Variants in TMEM177 observed in about 807,000 individuals in gnomAD.
TMEM177 encodes the protein transmembrane protein 177.
In TMEM177, 4 loss-of-function variants were observed where a neutral mutation model predicts 14.2. The observed-to-expected ratio is 0.28, with a 90% CI of 0.14 to 0.64. TMEM177 has a LOEUF of 0.64. Ranked by LOEUF, TMEM177 falls within the 30% of genes least tolerant of loss-of-function variation. The pLI is 0.82. For synonymous variants in TMEM177, 179 were observed against 174.5 expected (o/e 1.03, Z -0.20); for missense variants, 344 against 405.2 (o/e 0.85, Z 1.30).
the TMEM177 span, among the ~76,000 whole-genome samples, chr2:119,723,369 A>G: frequency 5.3e-5 from 8 of 152,202 alleles, no homozygotes; most frequent in Admixed American, 1.3e-4. Context: ...AGTCCACATT[A>G]CACAGTTGGC....
chr2:119,688,263 A>G (rs1334153633), downstream of TMEM177, among the ~76,000 whole-genome samples: 2 of 152,212 alleles, frequency 1.3e-5, no homozygotes, highest in Non-Finnish European at 2.9e-5. Context: ...AATTCACAAA[A>G]TGTAAAGTAG....
the TMEM177 span, among the ~76,000 whole-genome samples, chr2:119,719,460 T>G: frequency 6.6e-6 from 1 of 152,176 alleles, no homozygotes; most frequent in Non-Finnish European, 1.5e-5. Context: ...AAGCCAAGCG[T>G]GGGTGCTGCC....
chr2:119,711,112 GT>G, the TMEM177 span, among the ~76,000 whole-genome samples: 1 of 152,202 alleles, frequency 6.6e-6, no homozygotes, highest in Non-Finnish European at 1.5e-5. Flanking sequence ...CTCACGATAG[GT>G]GCCTGGCTCG....
At chr2:119,703,471 C>T in the TMEM177 span, among the ~76,000 whole-genome samples, 132 of 152,266 alleles carry the variant, frequency 8.7e-4, 1 homozygote, top group Middle Eastern at 3.4e-3. Flanking sequence ...TCCAAATGTC[C>T]CTTCATACTA....
At chr2:119,703,134 A>G in the TMEM177 span, among the ~76,000 whole-genome samples, 4 of 152,222 alleles carry the variant, frequency 2.6e-5, no homozygotes, top group African/African-American at 7.2e-5. Flanking sequence ...CTAGCCTGCT[A>G]GGGAGTGGCA....
At chr2:119,718,795 C>T in the TMEM177 span, among the ~76,000 whole-genome samples, 1 of 151,456 alleles carries the variant, frequency 6.6e-6, no homozygotes, top group Non-Finnish European at 1.5e-5. Context: ...AACCCTGTAA[C>T]AGGCTTTCGA....
chr2:119,701,923 T>A, the TMEM177 span, among the ~76,000 whole-genome samples: 1 of 152,162 alleles, frequency 6.6e-6, no homozygotes, highest in Non-Finnish European at 1.5e-5. Flanking sequence ...TGAGTCAGAT[T>A]ACCGGTCTAG....
downstream of TMEM177, among the ~76,000 whole-genome samples, chr2:119,683,379 A>T (rs889701836): frequency 6.6e-6 from 1 of 152,168 alleles, no homozygotes; most frequent in South Asian, 2.1e-4. Flanking sequence ...TCACTCAGGG[A>T]CACACCATTT....
intron 1 of TMEM177, 92 bp from the exon 2 acceptor site, chr2:119,680,740 T>G: frequency 1.0e-6 from 1 of 960,746 alleles, no homozygotes; most frequent in Non-Finnish European, 1.6e-6. Flanking sequence ...GCTGTGTTAC[T>G]TTGGTTTAAA....
At chr2:119,700,118 G>A in the TMEM177 span, 4 of 246,782 alleles carry the variant, frequency 1.6e-5, no homozygotes, top group Admixed American at 1.6e-4. Context: ...AGTTAGCGCA[G>A]AAGAAACTAA....
At chr2:119,700,035 C>T in the TMEM177 span, 1 of 297,460 alleles carries the variant, frequency 3.4e-6, no homozygotes, top group Non-Finnish European at 6.6e-6. Flanking sequence ...CTCTCCCTGC[C>T]ACATCGAGAT....
chr2:119,715,160 A>G, the TMEM177 span, among the ~76,000 whole-genome samples: 1 of 152,186 alleles, frequency 6.6e-6, no homozygotes, highest in Non-Finnish European at 1.5e-5. Flanking sequence ...AGGCAGGAGG[A>G]TCACTTGAGG....
chr2:119,720,205 G>A, the TMEM177 span, among the ~76,000 whole-genome samples: 7 of 151,908 alleles, frequency 4.6e-5, no homozygotes, highest in East Asian at 7.7e-4. Flanking sequence ...GAGTGATACT[G>A]AAGCCCAGTG....
downstream of TMEM177, among the ~76,000 whole-genome samples, chr2:119,684,784 A>T (rs563634975): frequency 6.6e-6 from 1 of 152,262 alleles, no homozygotes; most frequent in East Asian, 1.9e-4. Flanking sequence ...GGAAATCAGG[A>T]CACTTCTGGG....
chr2:119,680,901 G>A lies in TMEM177; in HGVS notation c.48G>A (p.Arg16=). The part of the protein sequence containing the change: ...WRTAAFVQRH[R]TGLLVGSCAG... ...CCGCAGCATTTGTGCAGAGACACAG[G>A]ACAGGCCTCTTGGTGGGTTCCTGTG... The change falls in exon 2 of 2, where the codon AGG becomes AGA. Residue 16 remains arginine (R), a synonymous_variant. Transcript: ENST00000272521. The A allele has an allele frequency of 1.2e-6, 2 of 1,614,254 alleles. No individual in the cohort carries two copies. The highest frequency in any genetic ancestry group is 1.7e-6 in the Non-Finnish European group (2 of 1,180,044).
At chr2:119,709,892 T>C in the TMEM177 span, among the ~76,000 whole-genome samples, 1 of 152,110 alleles carries the variant, frequency 6.6e-6, no homozygotes, top group African/African-American at 2.4e-5. Flanking sequence ...ATCCAGCTAA[T>C]CTTAGGGAAA....
the TMEM177 span, among the ~76,000 whole-genome samples, chr2:119,704,469 A>G: frequency 6.6e-6 from 1 of 152,102 alleles, no homozygotes; most frequent in Non-Finnish European, 1.5e-5. Flanking sequence ...GTGGTAGCGC[A>G]TGGCTGTAAT....
chr2:119,706,317 C>T, the TMEM177 span, among the ~76,000 whole-genome samples: 78,780 of 152,014 alleles, frequency 0.52, 21,253 homozygotes, highest in East Asian at 0.66. Context: ...TGAGCCACAG[C>T]GCCTGGCCGA....
Position 119,681,903 on chromosome 2 carries a change from T to C in TMEM177, c.*114T>C. 1.1e-6 allele frequency: 1 copy of C among 949,142 alleles called. No individual in the cohort carries two copies. The highest frequency in any genetic ancestry group is 1.6e-6 in the Non-Finnish European group (1 of 625,314). 58.8% of individuals were successfully genotyped at this position (949,142 alleles called of 1,614,324 possible). A position where few individuals can be genotyped will look rare whatever the true frequency, so the allele number is the denominator to read the frequency against. On this transcript the variant is annotated 3_prime_UTR_variant, in exon 2 of 2. Coordinates refer to ENST00000272521, the MANE Select transcript of TMEM177 (RefSeq NM_030577.3). ...GCTCACGGCCAGAAAAATCACTGGCTTTGGAATTAAATAGCTTAGATTGTA... is the reference window on the plus strand; with the variant it reads ...GCTCACGGCCAGAAAAATCACTGGCCTTGGAATTAAATAGCTTAGATTGTA...
Sources: allele counts gnomAD v4.1 joint callset (sites outside exome capture counted in the v4.1 genomes callset), GRCh38; gene constraint gnomAD v4.1.1; transcripts MANE v1.5; gene names NCBI Gene and HGNC (gene_info 2026-07-23, HGNC 2026-07-21).